The following ASCC1 variants were observed in gnomAD, a reference collection of about 807,000 sequenced individuals.
The protein encoded by ASCC1 is ASC-1 complex subunit P50.
ASCC1 carries 35 observed loss-of-function variants against 46.6 expected under a neutral mutation model. That is an observed-to-expected ratio of 0.75 (90% CI 0.57 to 0.99). ASCC1 has a LOEUF of 0.99. Ranked by LOEUF, ASCC1 falls within the 50% of genes least tolerant of loss-of-function variation. ASCC1 has a pLI of 0.00. For synonymous variants in ASCC1, 143 were observed against 146.6 expected, an observed-to-expected ratio of 0.98 and a Z score of 0.18; for missense variants, 376 against 428.7, an observed-to-expected ratio of 0.88 and a Z score of 1.09.
intron 1 of ASCC1, 52 bp from the exon 2 acceptor site, chr10:72,213,383 A>G (rs953139105): frequency 1.1e-5 from 11 of 969,330 alleles, no homozygotes; most frequent in Non-Finnish European, 1.6e-5. Flanking sequence ...TAAAACTCCT[A>G]TCTCTAGTGT....
At chr10:72,187,564 C>CA (rs1309067095) in intron 5 of ASCC1, among the ~76,000 whole-genome samples, 1 of 149,306 alleles carries the variant, frequency 6.7e-6, no homozygotes, top group South Asian at 2.1e-4. Context: ...ACTAAAAATA[C>CA]AAAAAATTAG....
rs1432801525 is a variant in ASCC1, at chr10:72,210,722, C to T, written c.212+10G>A. 4.3e-6 allele frequency: 7 copies of T among 1,612,830 alleles called. No individual in the cohort carries two copies. In the African/African-American group the frequency reaches 9.3e-5, roughly 22 times the overall value. The stretch of plus-strand genomic sequence containing the variant: ...TGTCTTCCCATGAAACTGTTGGGGA[C>T]ATGACTCACTTATAGAGCAAGCTGG... On this transcript the variant is annotated intron_variant, in intron 3 of 9. Coordinates refer to ENST00000672957, the MANE Select transcript of ASCC1 (RefSeq NM_001198800.3).
rs1383199539 is a variant in ASCC1, at chr10:72,216,199, G to A, written c.-34+8C>T. ...TGGTGAAAAGGGAGTTAACCCCCAG[G>A]ATCCTACCTGCAGGGACTAGAAAAA... On this transcript the variant is annotated splice_region_variant and intron_variant, in intron 1 of 9. Transcript: ENST00000672957. 1 of 153,860 alleles carries A rather than the reference G, an allele frequency of 6.5e-6. No individual in the cohort carries two copies. The highest frequency in any genetic ancestry group is 1.9e-4 in the East Asian group (1 of 5,214). The allele number at this position is 153,860 out of a possible 1,614,324, so 9.5% of individuals were successfully genotyped here.
At chr10:72,171,290 C>T (rs932685311) in intron 5 of ASCC1, among the ~76,000 whole-genome samples, 4 of 152,164 alleles carry the variant, frequency 2.6e-5, no homozygotes, top group East Asian at 1.9e-4. Context: ...GCATTCCTTG[C>T]GGAGGCTCCA....
At chr10:72,146,336 G>A (rs1390565114) in intron 7 of ASCC1, among the ~76,000 whole-genome samples, 3 of 152,192 alleles carry the variant, frequency 2.0e-5, no homozygotes, top group Non-Finnish European at 4.4e-5. Flanking sequence ...CAGAATAACC[G>A]AGGGTGTCAG....
intron 3 of ASCC1, among the ~76,000 whole-genome samples, chr10:72,207,815 ATTTTT>A (rs34399551): frequency 6.8e-6 from 1 of 146,438 alleles, no homozygotes; most frequent in African/African-American, 2.5e-5. Context: ...AAATCTTAGT[ATTTTT>A]TTTTTTTTTG....
intron 5 of ASCC1, among the ~76,000 whole-genome samples, chr10:72,188,640 T>C (rs533801204): frequency 1.3e-5 from 2 of 152,358 alleles, no homozygotes; most frequent in African/African-American, 4.8e-5. Context: ...CTACCCTTTA[T>C]CTACTCTTCA....
At chr10:72,164,677 A>C (rs1850123427) in intron 5 of ASCC1, among the ~76,000 whole-genome samples, 1 of 152,188 alleles carries the variant, frequency 6.6e-6, no homozygotes. Flanking sequence ...TCACATGGCA[A>C]TTCTATGTTT....
intron 7 of ASCC1, 30 bp downstream of exon 7, chr10:72,152,839 T>C (rs948558304): frequency 2.5e-6 from 4 of 1,613,822 alleles, no homozygotes; most frequent in Middle Eastern, 1.6e-4. Context: ...TACCTCTTGA[T>C]TGAAACAAAG....
At chr10:72,108,302 C>T (rs1842581524) in intron 9 of ASCC1, among the ~76,000 whole-genome samples, 1 of 151,908 alleles carries the variant, frequency 6.6e-6, no homozygotes, top group African/African-American at 2.4e-5. Context: ...GTCTCAAACT[C>T]CTGGGCTCAA....
At chr10:72,173,009 TA>T (rs961326362) in intron 5 of ASCC1, among the ~76,000 whole-genome samples, 33 of 140,138 alleles carry the variant, frequency 2.4e-4, no homozygotes, top group African/African-American at 6.2e-4. Flanking sequence ...ATATTTCTTA[TA>T]TTTTTTTATA....
intron 5 of ASCC1, among the ~76,000 whole-genome samples, chr10:72,168,991 C>T (rs1850719074): frequency 2.0e-5 from 3 of 152,184 alleles, no homozygotes; most frequent in Non-Finnish European, 4.4e-5. Flanking sequence ...GGAATTTATC[C>T]TGAAGATACA....
chr10:72,175,264 T>C (rs968978392), intron 5 of ASCC1, among the ~76,000 whole-genome samples: 2 of 152,226 alleles, frequency 1.3e-5, no homozygotes, highest in Admixed American at 1.3e-4. Flanking sequence ...AGGTTTGCTC[T>C]GCAGATGAAA....
At position 72,096,684 on chromosome 10, in the gene ASCC1, C is replaced by G. The variant is rs922974701; in HGVS notation, c.*650G>C. On this transcript the variant is annotated 3_prime_UTR_variant, in exon 10 of 10. Transcript: ENST00000672957. ...AGCCAAGTGTTCACTGATGGAGGAACAGAGTGTGGTACGCACATGTAACGG... is the reference window on the plus strand; with the variant it reads ...AGCCAAGTGTTCACTGATGGAGGAAGAGAGTGTGGTACGCACATGTAACGG... The G allele has an allele frequency of 1.5e-5, 7 of 453,988 alleles. No homozygotes were observed. The highest frequency in any genetic ancestry group is 1.0e-4 in the African/African-American group (5 of 50,000). The allele number at this position is 453,988 out of a possible 1,614,324, so 28.1% of individuals were successfully genotyped here.
At chr10:72,170,397 AG>A (rs1850917827) in intron 5 of ASCC1, among the ~76,000 whole-genome samples, 1 of 152,120 alleles carries the variant, frequency 6.6e-6, no homozygotes, top group African/African-American at 2.4e-5. Flanking sequence ...TCTACTCATG[AG>A]GAAATGCCAG....
chr10:72,103,973 G>A (rs1842076290), intron 9 of ASCC1, among the ~76,000 whole-genome samples: 1 of 152,076 alleles, frequency 6.6e-6, no homozygotes, highest in Non-Finnish European at 1.5e-5. Flanking sequence ...GAAGGCTCCC[G>A]TGTCATGTAA....
Position 72,189,217 on chromosome 10 carries a change from G to A in ASCC1, c.489+7594C>T, listed in dbSNP as rs565709021. ...AGATCGAGACCATTCTGGCTAACAC[G>A]GTGAAACCCCATCTCTACTAAAAAT... On this transcript the variant is annotated intron_variant, in intron 5 of 9. Transcript: ENST00000672957. Among the ~76,000 whole-genome samples the A allele has an allele frequency of 4.6e-5, 7 of 151,332 alleles. No individual in the cohort carries two copies. In the East Asian group the frequency reaches 1.4e-3, roughly 30 times the overall value.
At chr10:72,106,115 T>C (rs985699763) in intron 9 of ASCC1, among the ~76,000 whole-genome samples, 6 of 152,156 alleles carry the variant, frequency 3.9e-5, no homozygotes, top group African/African-American at 1.2e-4. Flanking sequence ...GATCCCTCTT[T>C]TAAGAAAATC....
intron 4 of ASCC1, among the ~76,000 whole-genome samples, chr10:72,197,256 G>C (rs1032222088): frequency 6.6e-6 from 1 of 151,978 alleles, no homozygotes; most frequent in Admixed American, 6.6e-5. Flanking sequence ...TGGATCACGA[G>C]GTCAGGAGAT....
Sources: gnomAD v4.1 joint callset for allele counts (sites outside exome capture counted in the v4.1 genomes callset) on GRCh38, gnomAD v4.1.1 for gene constraint, MANE v1.5 for transcripts, NCBI Gene and HGNC (gene_info 2026-07-23, HGNC 2026-07-21) for gene names.